SACM1L: variants seen among roughly 807,000 people sequenced by gnomAD.
SACM1L encodes SAC1 like phosphatidylinositide phosphatase.
In SACM1L, 32 loss-of-function variants were observed where a neutral mutation model predicts 89.5. The ratio of observed to expected loss-of-function variants is 0.36; its 90% CI spans 0.27 to 0.48. The LOEUF (loss-of-function observed/expected upper bound fraction) is 0.48, where lower values mean the gene tolerates loss of function less well. Ranked by LOEUF, SACM1L falls within the 20% of genes least tolerant of loss-of-function variation. SACM1L has a pLI of 0.99. For missense variants in SACM1L, 543 were observed against 708.5 expected (o/e 0.77, Z 2.65); for synonymous variants, 213 against 232.8 (o/e 0.92, Z 0.77).
At chr3:45,711,614 TA>T (rs996537467) in intron 5 of SACM1L, among the ~76,000 whole-genome samples, 31 of 145,502 alleles carry the variant, frequency 2.1e-4, no homozygotes, top group South Asian at 4.4e-4. Context: ...CAAGACGGTC[TA>T]AAAAAAAAAA....
intron 4 of SACM1L, among the ~76,000 whole-genome samples, chr3:45,708,060 T>C (rs1698438683): frequency 6.6e-6 from 1 of 152,148 alleles, no homozygotes; most frequent in Non-Finnish European, 1.5e-5. Flanking sequence ...CTATAACTAA[T>C]ATCTATAACT....
chr3:45,704,901 A>G (rs1404618858), intron 2 of SACM1L, among the ~76,000 whole-genome samples: 1 of 152,176 alleles, frequency 6.6e-6, no homozygotes, highest in Non-Finnish European at 1.5e-5. Flanking sequence ...TTTTTCTTCC[A>G]TGAAAAAACC....
chr3:45,721,828 G>A (rs529878257), intron 8 of SACM1L, among the ~76,000 whole-genome samples, 172 bp from the exon 9 acceptor site: 1 of 152,118 alleles, frequency 6.6e-6, no homozygotes, highest in African/African-American at 2.4e-5. Flanking sequence ...GAGCAAGCTT[G>A]TGTTAGTTTT....
At position 45,744,843 on chromosome 3, in the gene SACM1L, A is replaced by G. The variant is rs1285618682; in HGVS notation, c.*1174A>G. The stretch of plus-strand genomic sequence containing the variant: ...TATGTAAGGTAGTATAATTACCACT[A>G]TTTTAAATAATTCAGTTAAACACTG... On this transcript the variant is annotated 3_prime_UTR_variant, in exon 20 of 20. Transcript: ENST00000389061. 1 of 89,858 alleles carries G rather than the reference A, an allele frequency of 1.1e-5. No individual in the cohort carries two copies. Among genetic ancestry groups the G allele is most frequent in the Non-Finnish European group, 2.6e-5 (1 of 38,500 alleles). 5.6% of individuals were successfully genotyped at this position (89,858 alleles called of 1,614,324 possible).
rs760151009 is a variant in SACM1L at position 45,706,830 on chromosome 3, A to G, written c.256A>G (p.Ser86Gly). 4 of 1,612,046 alleles carry G rather than the reference A, an allele frequency of 2.5e-6. No individual in the cohort carries two copies. In the Admixed American group the frequency reaches 5.0e-5, roughly 20 times the overall value. ...TKKIKVGEFF[S>G]HVVWKATDFD... Reference sequence around the variant, plus strand: ...AAAGATAAAAGTAGGTGAATTTTTCAGTCATGTAGTCTGGAAAGCAACAGA... The same window carrying G: ...AAAGATAAAAGTAGGTGAATTTTTCGGTCATGTAGTCTGGAAAGCAACAGA... The change falls in exon 4 of 20, where the codon AGT (serine) becomes GGT (glycine). Residue 86 changes from serine to glycine, a missense_variant. Ser to Gly is a moderately conservative substitution (Grantham distance 56, BLOSUM62 0). Coordinates refer to ENST00000389061, the MANE Select transcript of SACM1L (RefSeq NM_014016.5).
chr3:45,693,726 G>A (rs2742424), intron 1 of SACM1L, among the ~76,000 whole-genome samples: 40,780 of 152,114 alleles, frequency 0.27, 6,756 homozygotes, highest in Middle Eastern at 0.43. Context: ...GCCAGGTATT[G>A]AAATGAGTCA....
intron 7 of SACM1L, among the ~76,000 whole-genome samples, chr3:45,716,628 A>T (rs1575398556): frequency 6.6e-6 from 1 of 152,032 alleles, no homozygotes; most frequent in South Asian, 2.1e-4. Flanking sequence ...GTGGTTGCTG[A>T]TGGGTGTGTA....
Position 45,739,118 on chromosome 3 carries a change from CTTTCTCA to C in SACM1L, c.1569+250_1569+256del, listed in dbSNP as rs1340533645. Among the ~76,000 whole-genome samples, 11 of 152,312 alleles carry C rather than the reference CTTTCTCA, an allele frequency of 7.2e-5. No individual in the cohort carries two copies. The East Asian group carries it at 2.1e-3, about 29-fold the overall frequency. On this transcript the variant is annotated intron_variant, in intron 18 of 19. Coordinates refer to ENST00000389061, the MANE Select transcript of SACM1L (RefSeq NM_014016.5). ...AACATAAGCAAAGGGAATGTGGAAGCTTTCTCATTTCAGGAAAACTTCAATTCTCTTA... is the reference window on the plus strand; with the variant it reads ...AACATAAGCAAAGGGAATGTGGAAGCTTTCAGGAAAACTTCAATTCTCTTA...
At chr3:45,735,050 C>A in intron 13 of SACM1L, 185 bp from the exon 14 acceptor site, 1 of 474,498 alleles carries the variant, frequency 2.1e-6, no homozygotes, top group Non-Finnish European at 3.5e-6. Flanking sequence ...GGCTGTCTTG[C>A]CTCAGCCATT....
chr3:45,700,775 C>T (rs752479776), intron 1 of SACM1L, among the ~76,000 whole-genome samples: 3 of 152,328 alleles, frequency 2.0e-5, no homozygotes, highest in Admixed American at 6.5e-5. Context: ...TGAGCTTAAG[C>T]GATTCTCATG....
chr3:45,719,267 A>T (rs1184159153), intron 7 of SACM1L, among the ~76,000 whole-genome samples: 1 of 152,226 alleles, frequency 6.6e-6, no homozygotes, highest in African/African-American at 2.4e-5. Flanking sequence ...TCATTTAAAT[A>T]AAAACACCAT....
In SACM1L at chr3:45,744,679, C is replaced by T. The variant is rs1307485876; in HGVS notation, c.*1010C>T. On this transcript the variant is annotated 3_prime_UTR_variant, in exon 20 of 20. Transcript: ENST00000389061. ...GTGCTTCCAGGTAGTTATAGTACTC[C>T]AAATCAAGGACCAACTTAAACGTTA... 2 of 152,560 alleles carry T rather than the reference C, an allele frequency of 1.3e-5. No individual in the cohort carries two copies. The highest frequency in any genetic ancestry group is 4.8e-5 in the African/African-American group (2 of 41,424). The allele number at this position is 152,560 out of a possible 1,614,324, so 9.5% of individuals were successfully genotyped here.
intron 1 of SACM1L, 29 bp from the exon 2 acceptor site, chr3:45,703,405 GGTTA>G (rs781348073): frequency 7.9e-6 from 11 of 1,384,780 alleles, no homozygotes; most frequent in African/African-American, 4.3e-5. Context: ...CATTTCATTT[GGTTA>G]GTTATTTATG....
In SACM1L at chr3:45,745,283, G is replaced by C. The variant is rs1699401828; in HGVS notation, c.*1614G>C. 6.6e-6 allele frequency: 1 copy of C among 152,628 alleles called. No individual in the cohort carries two copies. The highest frequency in any genetic ancestry group is 2.1e-4 in the South Asian group (1 of 4,830). 9.5% of individuals were successfully genotyped at this position (152,628 alleles called of 1,614,324 possible). On this transcript the variant is annotated 3_prime_UTR_variant, in exon 20 of 20. Coordinates refer to ENST00000389061, the MANE Select transcript of SACM1L (RefSeq NM_014016.5). ...GAACTGCTAATGTGGCTGCTTTGTA[G>C]GGAATGGACTAATATCAGTGTGTTA...
At chr3:45,713,274 T>A in intron 6 of SACM1L, 78 bp downstream of exon 6, 1 of 1,086,210 alleles carries the variant, frequency 9.2e-7, no homozygotes, top group Non-Finnish European at 1.4e-6. Context: ...AGTGACTTCC[T>A]AATCACCAAG....
At chr3:45,701,395 C>A (rs180801398) in intron 1 of SACM1L, among the ~76,000 whole-genome samples, 13 of 152,268 alleles carry the variant, frequency 8.5e-5, no homozygotes, top group African/African-American at 3.1e-4. Flanking sequence ...TGCCGCATAG[C>A]CCCTAGTGCT....
chr3:45,732,677 T>C (rs551905872), intron 13 of SACM1L, among the ~76,000 whole-genome samples: 1 of 152,288 alleles, frequency 6.6e-6, no homozygotes, highest in South Asian at 2.1e-4. Context: ...TTTATTTCTT[T>C]AAAAAAATTC....
At chr3:45,738,954 C>T (rs55735067) in intron 18 of SACM1L, 81 bp downstream of exon 18, 13,051 of 830,756 alleles carry the variant, frequency 0.016, 147 homozygotes, top group Non-Finnish European at 0.021. Context: ...CAATTTAAAA[C>T]GTTATATGTG....
chr3:45,721,890 C>T (rs371985136), intron 8 of SACM1L, 110 bp from the exon 9 acceptor site: 5 of 674,202 alleles, frequency 7.4e-6, no homozygotes, highest in East Asian at 2.9e-5. Context: ...ATGACTTTTC[C>T]ACTAACTTGA....
Sources: gnomAD v4.1 joint callset for allele counts (sites outside exome capture counted in the v4.1 genomes callset) on GRCh38, gnomAD v4.1.1 for gene constraint, MANE v1.5 for transcripts, NCBI Gene and HGNC (gene_info 2026-07-23, HGNC 2026-07-21) for gene names.